Variants in PTN observed in about 807,000 individuals in gnomAD.
PTN encodes heparin affin regulatory protein.
A neutral mutation model predicts 24.1 loss-of-function variants in PTN; 18 were observed. That is an observed-to-expected ratio of 0.75 (90% CI 0.52 to 1.11). The LOEUF is 1.11. Among genes scored for constraint, PTN ranks in the 50% least tolerant of loss-of-function variants. The probability of loss-of-function intolerance (pLI) is 0.00; values close to 1 mark genes in which losing one functional copy is unlikely to be tolerated. For synonymous variants in PTN, 78 were observed against 68.6 expected (o/e 1.14, Z -0.67); for missense variants, 163 against 198.8 (o/e 0.82, Z 1.08).
chr7:137,327,634 A>T (rs1338560302), intron 1 of PTN, among the ~76,000 whole-genome samples: 2 of 152,130 alleles, frequency 1.3e-5, no homozygotes, highest in African/African-American at 4.8e-5. Flanking sequence ...CATCTCTAAA[A>T]GAAAAAGAAA....
At chr7:137,228,126 G>C in intron 4 of PTN, 51 bp from the exon 5 acceptor site, 3 of 1,187,166 alleles carry the variant, frequency 2.5e-6, no homozygotes, top group Non-Finnish European at 3.7e-6. Context: ...AAAATGTCAA[G>C]TTACTAAATT....
chr7:137,233,065 G>C (rs1448506020), intron 4 of PTN, among the ~76,000 whole-genome samples: 6 of 151,946 alleles, frequency 3.9e-5, no homozygotes, highest in Non-Finnish European at 5.9e-5. Context: ...GCAGTGAGAA[G>C]AATGAGTAGA....
At chr7:137,332,872 G>A (rs940360801) in intron 1 of PTN, among the ~76,000 whole-genome samples, 2 of 152,130 alleles carry the variant, frequency 1.3e-5, no homozygotes, top group African/African-American at 2.4e-5. Flanking sequence ...ATGACCCCAC[G>A]GCTAGGTCTT....
chr7:137,270,859 G>A lies in PTN; in HGVS notation c.-1-15885C>T, dbSNP rs141205177. Among the ~76,000 whole-genome samples, 1,204 of 152,312 alleles carry A rather than the reference G, an allele frequency of 7.9e-3. 15 individuals carry two copies. Among genetic ancestry groups the A allele is most frequent in the African/African-American group, 0.028 (1,145 of 41,556 alleles). On this transcript the variant is annotated intron_variant, in intron 1 of 4. Coordinates refer to ENST00000348225, the MANE Select transcript of PTN (RefSeq NM_002825.7). ...CCAAGGAGGACTATTTAGGTAGGGG[G>A]TTATGGGTGGCTTCATCCTATGGCT...
chr7:137,231,963 C>A (rs1808433920), intron 4 of PTN, among the ~76,000 whole-genome samples: 1 of 151,860 alleles, frequency 6.6e-6, no homozygotes, highest in African/African-American at 2.4e-5. Context: ...TAGCCTGGAG[C>A]AGGGCTATAA....
chr7:137,336,915 T>A (rs161093), intron 1 of PTN, among the ~76,000 whole-genome samples: 58,798 of 152,066 alleles, frequency 0.39, 11,649 homozygotes, highest in South Asian at 0.47. Context: ...ATGTTAGAGA[T>A]GAAAACACTG....
intron 1 of PTN, among the ~76,000 whole-genome samples, chr7:137,310,975 T>C (rs1231936233): frequency 6.6e-6 from 1 of 152,184 alleles, no homozygotes; most frequent in Non-Finnish European, 1.5e-5. Context: ...CTCAAGCCTG[T>C]AATCCCAGCA....
chr7:137,253,038 G>A (rs1808855483), intron 3 of PTN, among the ~76,000 whole-genome samples: 1 of 152,034 alleles, frequency 6.6e-6, no homozygotes, highest in Non-Finnish European at 1.5e-5. Flanking sequence ...AAAAATCAAA[G>A]GAACTTAGAA....
At chr7:137,241,771 G>A (rs1209148172) in intron 4 of PTN, among the ~76,000 whole-genome samples, 3 of 152,118 alleles carry the variant, frequency 2.0e-5, no homozygotes, top group Non-Finnish European at 2.9e-5. Context: ...AAAAACTTGA[G>A]ACCCAACGGA....
At chr7:137,247,602 G>A (rs758830900) in intron 4 of PTN, among the ~76,000 whole-genome samples, 1 of 151,988 alleles carries the variant, frequency 6.6e-6, no homozygotes, top group African/African-American at 2.4e-5. Flanking sequence ...AGCACAACAG[G>A]GTGACTATAT....
At chr7:137,297,275 A>G (rs1809733082) in intron 1 of PTN, among the ~76,000 whole-genome samples, 1 of 152,158 alleles carries the variant, frequency 6.6e-6, no homozygotes, top group South Asian at 2.1e-4. Context: ...ATAAAGGGGC[A>G]TAGGCCATTG....
chr7:137,242,468 T>G (rs1380744599), intron 4 of PTN, among the ~76,000 whole-genome samples: 2 of 152,156 alleles, frequency 1.3e-5, no homozygotes, highest in African/African-American at 2.4e-5. Context: ...TCTCTCCCTG[T>G]GTGCCCATCT....
chr7:137,280,370 T>C (rs914506455), intron 1 of PTN, among the ~76,000 whole-genome samples: 3 of 151,938 alleles, frequency 2.0e-5, no homozygotes, highest in Non-Finnish European at 4.4e-5. Context: ...AATTAAAGCA[T>C]TGTCAAAATA....
intron 1 of PTN, among the ~76,000 whole-genome samples, chr7:137,291,578 A>G (rs1210593450): frequency 2.0e-5 from 3 of 151,930 alleles, no homozygotes; most frequent in African/African-American, 4.8e-5. Context: ...CGGGTCTCTC[A>G]TTGTCCTTGA....
chr7:137,292,800 C>T (rs947066090), intron 1 of PTN, among the ~76,000 whole-genome samples: 12 of 152,106 alleles, frequency 7.9e-5, no homozygotes, highest in Admixed American at 7.9e-4. Flanking sequence ...TGGCTGAATC[C>T]ACACATGTGG....
intron 1 of PTN, among the ~76,000 whole-genome samples, chr7:137,259,377 A>G (rs1299331313): frequency 6.6e-6 from 1 of 152,106 alleles, no homozygotes; most frequent in Non-Finnish European, 1.5e-5. Context: ...CCTTTGGCTC[A>G]AACTTCAGCT....
chr7:137,331,735 C>T (rs1810362757), intron 1 of PTN, among the ~76,000 whole-genome samples: 1 of 152,160 alleles, frequency 6.6e-6, no homozygotes, highest in Admixed American at 6.5e-5. Flanking sequence ...GGGGTTAGAT[C>T]CAACCTGGGT....
At chr7:137,278,792 T>C (rs1183175858) in intron 1 of PTN, among the ~76,000 whole-genome samples, 1 of 151,466 alleles carries the variant, frequency 6.6e-6, no homozygotes, top group Admixed American at 6.6e-5. Flanking sequence ...TTACAAAAAC[T>C]TAGCCGGGCA....
chr7:137,271,588 G>A (rs764196938), intron 1 of PTN, among the ~76,000 whole-genome samples: 19 of 152,152 alleles, frequency 1.2e-4, no homozygotes, highest in Non-Finnish European at 2.8e-4. Flanking sequence ...ATTATTCTGG[G>A]GAGCCAAATG....
Sources: allele counts gnomAD v4.1 joint callset (sites outside exome capture counted in the v4.1 genomes callset), GRCh38; gene constraint gnomAD v4.1.1; transcripts MANE v1.5; gene names NCBI Gene and HGNC (gene_info 2026-07-23, HGNC 2026-07-21).